The following ZFPM2 variants were observed in gnomAD, a reference collection of about 807,000 sequenced individuals.
The protein encoded by ZFPM2 is zinc finger protein, FOG family member 2, also known as zinc finger protein ZFPM2.
In ZFPM2, 20 loss-of-function variants were observed where a neutral mutation model predicts 98.6. That is an observed-to-expected ratio of 0.20 (90% CI 0.14 to 0.29). The LOEUF is 0.29. ZFPM2 is among the 10% of genes least tolerant of loss of function. ZFPM2 has a pLI of 1.00. For synonymous variants in ZFPM2, 518 were observed against 502.7 expected (o/e 1.03, Z -0.41); for missense variants, 1,310 against 1,388.6 (o/e 0.94, Z 0.90).
rs1208548136 is a variant in ZFPM2, at chr8:105,801,196, T to C, written c.1114T>C (p.Phe372Leu). The C allele has an allele frequency of 6.2e-7, 1 of 1,613,818 alleles. No individual in the cohort carries two copies. The highest frequency in any genetic ancestry group is 1.7e-5 in the Admixed American group (1 of 60,000). The change falls in exon 8 of 8, where the codon TTC becomes CTC. Residue 372 changes from phenylalanine to leucine, a missense_variant. By Grantham distance (22) the Phe-to-Leu change is conservative. Coordinates refer to ENST00000407775, the MANE Select transcript of ZFPM2 (RefSeq NM_012082.4). ...CCGATGTAATCACTGCCATTTCGGC[T>C]TCCAGACTCAGAGGGAGTTATTGCA... ...AFRCNHCHFG[F>L]QTQRELLQHQ... is the part of the protein sequence containing the mutation.
At chr8:105,578,414 C>A (rs201621667) in intron 4 of ZFPM2, among the ~76,000 whole-genome samples, 1 of 151,654 alleles carries the variant, frequency 6.6e-6, no homozygotes, top group African/African-American at 2.4e-5. Context: ...TGTTTTACTC[C>A]AGTTTCTCCA....
intron 3 of ZFPM2, among the ~76,000 whole-genome samples, chr8:105,496,956 T>C (rs1586416121): frequency 1.9e-5 from 2 of 105,834 alleles, no homozygotes; most frequent in South Asian, 3.8e-4. Flanking sequence ...CACTCCAGCC[T>C]GGGCAACAAG....
At chr8:105,347,342 G>A (rs1274288110) in intron 1 of ZFPM2, among the ~76,000 whole-genome samples, 1 of 152,098 alleles carries the variant, frequency 6.6e-6, no homozygotes. Context: ...TAGCTTGTGA[G>A]ATTTAGCTTA....
intron 5 of ZFPM2, among the ~76,000 whole-genome samples, chr8:105,691,964 C>A (rs905217376): frequency 1.3e-5 from 2 of 152,140 alleles, no homozygotes; most frequent in Non-Finnish European, 2.9e-5. Flanking sequence ...ACTAAATTGA[C>A]TTTAGGCAAA....
intron 4 of ZFPM2, among the ~76,000 whole-genome samples, chr8:105,613,199 C>G (rs1816341682): frequency 6.6e-6 from 1 of 152,026 alleles, no homozygotes; most frequent in Admixed American, 6.6e-5. Context: ...GTCAGCATAG[C>G]CAAATGATGA....
At chr8:105,532,964 T>C (rs1453304696) in intron 3 of ZFPM2, among the ~76,000 whole-genome samples, 1 of 152,138 alleles carries the variant, frequency 6.6e-6, no homozygotes, top group Non-Finnish European at 1.5e-5. Context: ...TCTGTATCAC[T>C]ACATTAGTAT....
At chr8:105,340,769 C>G (rs1812414159) in intron 1 of ZFPM2, among the ~76,000 whole-genome samples, 1 of 151,896 alleles carries the variant, frequency 6.6e-6, no homozygotes, top group South Asian at 2.1e-4. Context: ...TTTCACAGAA[C>G]GTACATTCTA....
chr8:105,469,796 G>T (rs1185442477), intron 3 of ZFPM2, among the ~76,000 whole-genome samples: 1 of 152,150 alleles, frequency 6.6e-6, no homozygotes, highest in Non-Finnish European at 1.5e-5. Context: ...TTAAGCCCAT[G>T]TTTTGTGCAT....
chr8:105,460,708 TTGTC>T (rs1427939252), intron 3 of ZFPM2, among the ~76,000 whole-genome samples: 4 of 152,110 alleles, frequency 2.6e-5, no homozygotes, highest in Admixed American at 6.6e-5. Flanking sequence ...TTACCTTGCT[TTGTC>T]TGAGCAGTAT....
chr8:105,613,968 G>T (rs747070847), intron 4 of ZFPM2, among the ~76,000 whole-genome samples: 3 of 152,072 alleles, frequency 2.0e-5, no homozygotes, highest in African/African-American at 4.8e-5. Context: ...GAAAGGAAAT[G>T]AATTTACATA....
chr8:105,424,582 A>G (rs1277154614), intron 2 of ZFPM2, among the ~76,000 whole-genome samples: 1 of 152,016 alleles, frequency 6.6e-6, no homozygotes, highest in Non-Finnish European at 1.5e-5. Flanking sequence ...CTTTAACATA[A>G]AAAATGTAAA....
intron 7 of ZFPM2, among the ~76,000 whole-genome samples, chr8:105,800,588 A>G (rs1269873713): frequency 6.6e-6 from 1 of 152,162 alleles, no homozygotes; most frequent in East Asian, 1.9e-4. Flanking sequence ...ACCTATATGT[A>G]GTGTACTGAG....
At chr8:105,393,330 C>CTGTCTGTCTTTCTTTCTT (rs1245789213) in intron 1 of ZFPM2, among the ~76,000 whole-genome samples, 9 of 132,900 alleles carry the variant, frequency 6.8e-5, no homozygotes, top group Admixed American at 1.5e-4. Flanking sequence ...CCCTCTCTCT[C>CTGTCTGTCTTTCTTTCTT]TCTTTGCCTT....
At chr8:105,673,207 T>TTA (rs398009231) in intron 5 of ZFPM2, among the ~76,000 whole-genome samples, 1 of 149,044 alleles carries the variant, frequency 6.7e-6, no homozygotes, top group Non-Finnish European at 1.5e-5. Context: ...TTTTTTTTTT[T>TTA]ACCGATCGTA....
rs529198789 is a variant in ZFPM2, at chr8:105,391,974, C to T, written c.41-27170C>T. 3.3e-5 allele frequency among the ~76,000 whole-genome samples: 5 copies of T among 152,300 alleles called. No individual in the cohort carries two copies. In the South Asian group the frequency reaches 1.0e-3, roughly 32 times the overall value. ...GCTTTTCAGATTACTTTGTTCAGGT[C>T]CATCCATCACAGAAATCACTGTCTG... On this transcript the variant is annotated intron_variant, in intron 1 of 7. Coordinates refer to ENST00000407775, the MANE Select transcript of ZFPM2 (RefSeq NM_012082.4).
chr8:105,433,405 T>C lies in ZFPM2; in HGVS notation c.200-10875T>C, dbSNP rs546371367. Among the ~76,000 whole-genome samples the C allele has an allele frequency of 3.3e-5, 5 of 152,338 alleles. No individual in the cohort carries two copies. The South Asian group carries it at 1.0e-3, about 32-fold the overall frequency. The stretch of plus-strand genomic sequence containing the variant: ...TACTTTAATTGTGACTTTTACATGA[T>C]GTTGGTAAACATAAACATTAGTATT... On this transcript the variant is annotated intron_variant, in intron 2 of 7. Coordinates refer to ENST00000407775, the MANE Select transcript of ZFPM2 (RefSeq NM_012082.4).
intron 5 of ZFPM2, among the ~76,000 whole-genome samples, chr8:105,742,497 C>T (rs868628856): frequency 2.0e-5 from 3 of 151,116 alleles, no homozygotes; most frequent in East Asian, 2.0e-4. Flanking sequence ...AAGAGAGGGT[C>T]GTGATTCCGA....
intron 5 of ZFPM2, among the ~76,000 whole-genome samples, chr8:105,659,874 A>G (rs1817354569): frequency 6.6e-6 from 1 of 152,246 alleles, no homozygotes; most frequent in Admixed American, 6.5e-5. Context: ...ACGGATAAAT[A>G]ATAGTTTTTT....
intron 5 of ZFPM2, among the ~76,000 whole-genome samples, chr8:105,664,769 C>A (rs1032028383): frequency 2.0e-5 from 3 of 151,958 alleles, no homozygotes; most frequent in Non-Finnish European, 4.4e-5. Flanking sequence ...TCAGAGGGAC[C>A]TGATTAGTAA....
Sources: gnomAD v4.1 joint callset for allele counts (sites outside exome capture counted in the v4.1 genomes callset) on GRCh38, gnomAD v4.1.1 for gene constraint, MANE v1.5 for transcripts, NCBI Gene and HGNC (gene_info 2026-07-23, HGNC 2026-07-21) for gene names.